IGFL2: variants seen among roughly 807,000 people sequenced by gnomAD.
IGFL2 encodes insulin growth factor-like family member 2.
IGFL2 carries 7 observed loss-of-function variants against 13.9 expected under a neutral mutation model. The observed-to-expected ratio is 0.51, with a 90% CI of 0.29 to 0.95. IGFL2 has a LOEUF of 0.95. IGFL2 is among the 40% of genes least tolerant of loss of function. The pLI is 0.08. For missense variants in IGFL2, 138 were observed against 147.8 expected (o/e 0.93, Z 0.34); for synonymous variants, 55 against 55.8 (o/e 0.99, Z 0.07).
At chr19:46,123,917 G>A in the IGFL2 span, 1 of 1,611,224 alleles carries the variant, frequency 6.2e-7, no homozygotes, top group Non-Finnish European at 8.5e-7. Context: ...GGAGATAAGT[G>A]ACACTGAGAC....
the IGFL2 span, among the ~76,000 whole-genome samples, chr19:46,119,868 A>G: frequency 3.3e-5 from 5 of 150,674 alleles, no homozygotes; most frequent in Non-Finnish European, 7.4e-5. Flanking sequence ...CACTGGCAGG[A>G]GCACAACTGT....
the IGFL2 span, among the ~76,000 whole-genome samples, chr19:46,184,173 A>G: frequency 2.0e-5 from 3 of 152,228 alleles, no homozygotes; most frequent in African/African-American, 7.2e-5. Context: ...CTTGTGGGTC[A>G]TAATCAACCA....
the IGFL2 span, among the ~76,000 whole-genome samples, chr19:46,172,471 A>G: frequency 6.6e-6 from 1 of 152,174 alleles, no homozygotes; most frequent in Non-Finnish European, 1.5e-5. Context: ...CATAGGGATT[A>G]TGGAATGGAT....
At chr19:46,116,645 G>A in the IGFL2 span, among the ~76,000 whole-genome samples, 1 of 152,116 alleles carries the variant, frequency 6.6e-6, no homozygotes, top group Non-Finnish European at 1.5e-5. Context: ...CTGGGTTGTG[G>A]GGATTACATG....
At chr19:46,125,984 G>A in the IGFL2 span, among the ~76,000 whole-genome samples, 4 of 152,190 alleles carry the variant, frequency 2.6e-5, no homozygotes, top group African/African-American at 9.6e-5. Flanking sequence ...AAGTGGCAAG[G>A]GGCAGCTTGA....
At chr19:46,205,862 G>A in the IGFL2 span, among the ~76,000 whole-genome samples, 10 of 152,148 alleles carry the variant, frequency 6.6e-5, no homozygotes, top group Admixed American at 6.5e-4. Flanking sequence ...GCTATGGTGA[G>A]GGTTGCTGCC....
At chr19:46,128,501 A>C in the IGFL2 span, among the ~76,000 whole-genome samples, 1 of 152,126 alleles carries the variant, frequency 6.6e-6, no homozygotes, top group African/African-American at 2.4e-5. Flanking sequence ...GGCTCTTGTT[A>C]TTTTGAAGTA....
the IGFL2 span, among the ~76,000 whole-genome samples, chr19:46,082,511 C>T: frequency 0.013 from 2,049 of 152,208 alleles, 31 homozygotes; most frequent in Middle Eastern, 0.027. Context: ...AGGAGAAATG[C>T]GGAGCTGATA....
downstream of IGFL2, chr19:46,161,313 CCTTT>C: frequency 2.6e-6 from 1 of 387,762 alleles, no homozygotes; most frequent in Non-Finnish European, 4.6e-6. Context: ...AATGTCGTCT[CCTTT>C]CTTTTTTTTT....
the IGFL2 span, among the ~76,000 whole-genome samples, chr19:46,192,751 A>AT: frequency 6.6e-6 from 1 of 152,134 alleles, no homozygotes; most frequent in African/African-American, 2.4e-5. Flanking sequence ...TATTTGAAGT[A>AT]TTTTTGAAGA....
the IGFL2 span, chr19:46,197,281 C>A: frequency 5.2e-6 from 1 of 192,818 alleles, no homozygotes; most frequent in Non-Finnish European, 1.1e-5. Context: ...CAGGCTTTGT[C>A]ACAGGTGAGG....
Position 46,160,741 on chromosome 19 carries a change from T to G in IGFL2, c.201T>G (p.Gly67=). The stretch of plus-strand genomic sequence containing the variant: ...CCCTGAGCGAGACCCGCCAATGTGG[T>G]CCCCCCTGCACCTTCTGGCCCTGCT... The part of the protein sequence containing the change: ...IVSLSETRQC[G]PPCTFWPCFE... Residue 67 remains glycine (G), a synonymous_variant, in exon 3 of 4, where the codon GGT becomes GGG. Transcript: ENST00000377693. The G allele has an allele frequency of 2.5e-6, 4 of 1,614,012 alleles. No homozygotes were observed. Among genetic ancestry groups the G allele is most frequent in the Non-Finnish European group, 3.4e-6 (4 of 1,179,990 alleles).
At chr19:46,130,096 A>G in the IGFL2 span, among the ~76,000 whole-genome samples, 2 of 151,530 alleles carry the variant, frequency 1.3e-5, no homozygotes, top group Non-Finnish European at 2.9e-5. Context: ...GTTGAATTGA[A>G]CCCTTTACTA....
At chr19:46,214,436 G>C in the IGFL2 span, 1 of 152,262 alleles carries the variant, frequency 6.6e-6, no homozygotes, top group Non-Finnish European at 1.5e-5. Flanking sequence ...GGTCCTGTCT[G>C]GTGGACAGAC....
chr19:46,117,903 T>C, the IGFL2 span, among the ~76,000 whole-genome samples: 1 of 152,206 alleles, frequency 6.6e-6, no homozygotes, highest in Admixed American at 6.5e-5. Context: ...CCTGCCTTCC[T>C]TAGCCCCTGC....
rs1237453785 is a variant in IGFL2, at chr19:46,155,631, T to A, written c.20-4784T>A. Among the ~76,000 whole-genome samples the A allele has an allele frequency of 3.3e-5, 5 of 152,228 alleles. No homozygotes were observed. In the East Asian group the frequency reaches 7.7e-4, roughly 23 times the overall value. On this transcript the variant is annotated intron_variant, in intron 1 of 3. Coordinates refer to ENST00000377693, the MANE Select transcript of IGFL2 (RefSeq NM_001135113.2). ...CTTCTGGAAGTCCTGCTTTATAGTTTGAAATATTTTGCATTTAAGTCTATG... is the reference window on the plus strand; with the variant it reads ...CTTCTGGAAGTCCTGCTTTATAGTTAGAAATATTTTGCATTTAAGTCTATG...
the IGFL2 span, among the ~76,000 whole-genome samples, chr19:46,078,716 T>C: frequency 1.3e-5 from 2 of 152,192 alleles, no homozygotes; most frequent in African/African-American, 4.8e-5. Flanking sequence ...GCACTCTCTC[T>C]GGGGGTATTT....
At chr19:46,208,434 A>G in the IGFL2 span, 2 of 152,096 alleles carry the variant, frequency 1.3e-5, no homozygotes, top group Non-Finnish European at 2.9e-5. Flanking sequence ...GAATGAGGCC[A>G]GGGCTGTCCT....
At chr19:46,124,392 A>C in the IGFL2 span, 5 of 1,469,560 alleles carry the variant, frequency 3.4e-6, no homozygotes, top group South Asian at 1.2e-5. Context: ...CAAACAAACA[A>C]ACAAACAGAG....
Sources: gnomAD v4.1 joint callset for allele counts (sites outside exome capture counted in the v4.1 genomes callset) on GRCh38, gnomAD v4.1.1 for gene constraint, MANE v1.5 for transcripts, NCBI Gene and HGNC (gene_info 2026-07-23, HGNC 2026-07-21) for gene names.